Variants in IL1RAPL1 observed in about 807,000 individuals in gnomAD.
The protein encoded by IL1RAPL1 is interleukin 1 receptor accessory protein like 1, also known as interleukin-1 receptor accessory protein-like 1.
In IL1RAPL1, 3 loss-of-function variants were observed where a neutral mutation model predicts 48.4. The observed-to-expected ratio is 0.06, with a 90% CI of 0.03 to 0.16. The LOEUF is 0.16. Ranked by LOEUF, IL1RAPL1 falls within the 10% of genes least tolerant of loss-of-function variation. IL1RAPL1 has a pLI of 1.00. For synonymous variants in IL1RAPL1, 185 were observed against 187.7 expected (o/e 0.99, Z 0.12); for missense variants, 349 against 530.6 (o/e 0.66, Z 3.36).
At chrX:29,845,767 G>A (rs1931233891) in intron 6 of IL1RAPL1, among the ~76,000 whole-genome samples, 1 of 111,492 alleles carries the variant, frequency 9.0e-6, no homozygotes, top group Non-Finnish European at 1.9e-5. Flanking sequence ...TCTGCAGGCT[G>A]TATAGGAAGC....
chrX:29,126,388 T>C (rs988770704), intron 2 of IL1RAPL1, among the ~76,000 whole-genome samples: 1 of 112,364 alleles, frequency 8.9e-6, no homozygotes, highest in African/African-American at 3.2e-5. Context: ...CAGTATTAAA[T>C]AGAATTTCAC....
intron 5 of IL1RAPL1, among the ~76,000 whole-genome samples, chrX:29,406,126 A>G (rs758115536): frequency 4.5e-4 from 50 of 111,857 alleles, no homozygotes; most frequent in Middle Eastern, 9.2e-3. Flanking sequence ...ACAGTGGCTC[A>G]CGCCTATAAT....
intron 2 of IL1RAPL1, among the ~76,000 whole-genome samples, chrX:28,849,565 C>A (rs1384576): frequency 0.16 from 17,531 of 111,436 alleles, 2,562 homozygotes; most frequent in African/African-American, 0.46. Context: ...TATTAAACAA[C>A]GATATAAGAC....
At chrX:29,168,026 T>C (rs1343459776) in intron 2 of IL1RAPL1, among the ~76,000 whole-genome samples, 1 of 110,998 alleles carries the variant, frequency 9.0e-6, no homozygotes, top group African/African-American at 3.3e-5. Context: ...TGTTAAATTT[T>C]TTAAAAAGTT....
chrX:29,837,272 A>AAAAAAAAAATATATATAT (rs1447926305), intron 6 of IL1RAPL1, among the ~76,000 whole-genome samples: 2 of 72,144 alleles, frequency 2.8e-5, no homozygotes, highest in African/African-American at 1.2e-4. Flanking sequence ...AAAAAAAAAA[A>AAAAAAAAAATATATATAT]ATATATATAT....
At chrX:29,759,961 T>G (rs998920456) in intron 6 of IL1RAPL1, among the ~76,000 whole-genome samples, 1 of 111,845 alleles carries the variant, frequency 8.9e-6, no homozygotes, top group Non-Finnish European at 1.9e-5. Context: ...TTAGGGGCAC[T>G]TCTTAAATCT....
chrX:29,080,550 AGGAAAGAGGAAG>A (rs1336203162), intron 2 of IL1RAPL1, among the ~76,000 whole-genome samples: 1 of 110,516 alleles, frequency 9.0e-6, no homozygotes, highest in Non-Finnish European at 1.9e-5. Flanking sequence ...TATCTGAAGC[AGGAAAGAGGAAG>A]GGAAAGAGAG....
At chrX:29,464,368 G>T (rs1351525387) in intron 5 of IL1RAPL1, among the ~76,000 whole-genome samples, 1 of 111,340 alleles carries the variant, frequency 9.0e-6, no homozygotes, top group Non-Finnish European at 1.9e-5. Flanking sequence ...TATGTAAATG[G>T]TCTCCCTTGA....
At chrX:29,539,490 A>G (rs1375360691) in intron 5 of IL1RAPL1, among the ~76,000 whole-genome samples, 2 of 111,140 alleles carry the variant, frequency 1.8e-5, no homozygotes, top group Admixed American at 1.9e-4. Context: ...TCTCACTGAT[A>G]TGGTTTGGAT....
intron 2 of IL1RAPL1, among the ~76,000 whole-genome samples, chrX:28,824,478 C>A (rs772311492): frequency 9.0e-6 from 1 of 110,718 alleles, no homozygotes; most frequent in Non-Finnish European, 1.9e-5. Flanking sequence ...CTTTTAAATT[C>A]TGCCCTTCCC....
intron 5 of IL1RAPL1, among the ~76,000 whole-genome samples, chrX:29,524,696 A>G (rs760077072): frequency 4.5e-5 from 5 of 112,215 alleles, no homozygotes; most frequent in African/African-American, 1.3e-4. Context: ...TCAAAAACAT[A>G]TATTAATATT....
In IL1RAPL1 at chrX:29,955,656, A is replaced by G. The variant is rs746481663; in HGVS notation, c.1927A>G (p.Ile643Val). Residue 643 changes from isoleucine to valine, a missense_variant, in exon 11 of 11, where the codon ATA becomes GTA. Coordinates refer to ENST00000378993, the MANE Select transcript of IL1RAPL1 (RefSeq NM_014271.4). The stretch of plus-strand genomic sequence containing the variant: ...TACCGGCACCCTGCCTCTTACCTCC[A>G]TAGGCAATCAGCATACCTACTGTAA... Reference protein sequence around the residue: ...PPTGTLPLTSIGNQHTYCNIP... With the variant: ...PPTGTLPLTSVGNQHTYCNIP... 1.5e-5 allele frequency: 18 copies of G among 1,209,393 alleles called. No individual in the cohort carries two copies. Among genetic ancestry groups the G allele is most frequent in the South Asian group, 3.5e-5 (2 of 56,734 alleles).
chrX:29,872,468 G>A (rs1311281250), intron 6 of IL1RAPL1, among the ~76,000 whole-genome samples: 1 of 111,317 alleles, frequency 9.0e-6, no homozygotes, highest in Non-Finnish European at 1.9e-5. Flanking sequence ...TTCATATGTT[G>A]AAAGCTAATT....
At chrX:29,911,725 C>T (rs1271484223) in intron 6 of IL1RAPL1, among the ~76,000 whole-genome samples, 1 of 111,810 alleles carries the variant, frequency 8.9e-6, no homozygotes, top group Non-Finnish European at 1.9e-5. Flanking sequence ...TTGTGCTATT[C>T]CCAATATGGC....
rs185111165 is a variant in IL1RAPL1, at chrX:28,614,907, G to A, written c.-25+26860G>A. Among the ~76,000 whole-genome samples, 407 of 109,313 alleles carry A rather than the reference G, an allele frequency of 3.7e-3. 2 individuals are homozygous for A. The highest frequency in any genetic ancestry group is 0.013 in the African/African-American group (394 of 30,024). 94.9% of individuals were successfully genotyped at this position (109,313 alleles called of 115,157 possible). On this transcript the variant is annotated intron_variant, in intron 1 of 10. Coordinates refer to ENST00000378993, the MANE Select transcript of IL1RAPL1 (RefSeq NM_014271.4). Reference sequence around the variant, plus strand: ...CTGTTTTTGTTTTTTGTTTTTTTTCGGGACACAGTCTTGCTCTGTCACCCA... The same window carrying A: ...CTGTTTTTGTTTTTTGTTTTTTTTCAGGACACAGTCTTGCTCTGTCACCCA...
chrX:28,744,587 C>T (rs1366727654), intron 1 of IL1RAPL1, among the ~76,000 whole-genome samples: 1 of 111,406 alleles, frequency 9.0e-6, no homozygotes, highest in Non-Finnish European at 1.9e-5. Flanking sequence ...TGTCTATACT[C>T]AAAATGCCAA....
chrX:28,807,594 A>T (rs1192716239), intron 2 of IL1RAPL1, among the ~76,000 whole-genome samples: 1 of 111,335 alleles, frequency 9.0e-6, no homozygotes, highest in Admixed American at 9.6e-5. Flanking sequence ...GCTTCTCTAA[A>T]GCTGTTCCAT....
At chrX:28,778,890 C>T (rs1460214872) in intron 1 of IL1RAPL1, among the ~76,000 whole-genome samples, 1 of 111,946 alleles carries the variant, frequency 8.9e-6, no homozygotes, top group Non-Finnish European at 1.9e-5. Flanking sequence ...TCTAACTAGA[C>T]ACCAATGTTT....
At chrX:29,329,599 G>C (rs1204794223) in intron 3 of IL1RAPL1, among the ~76,000 whole-genome samples, 1 of 110,612 alleles carries the variant, frequency 9.0e-6, no homozygotes, top group Non-Finnish European at 1.9e-5. Flanking sequence ...GATTATTTGA[G>C]GTCAGGAGTT....
Sources: allele counts gnomAD v4.1 joint callset (sites outside exome capture counted in the v4.1 genomes callset), GRCh38; gene constraint gnomAD v4.1.1; transcripts MANE v1.5; gene names NCBI Gene and HGNC (gene_info 2026-07-23, HGNC 2026-07-21).